The following IL18R1 variants were observed in gnomAD, a reference collection of about 807,000 sequenced individuals.
The protein encoded by IL18R1 is interleukin-18 receptor 1.
Under a neutral mutation model 48.5 loss-of-function variants are expected in IL18R1, and 40 were observed. The observed-to-expected ratio is 0.82, with a 90% CI of 0.64 to 1.07. IL18R1 has a LOEUF of 1.07. IL18R1 is among the 50% of genes least tolerant of loss of function. The pLI is 0.00. For missense variants in IL18R1, 596 were observed against 633.7 expected, an observed-to-expected ratio of 0.94 and a Z score of 0.64; for synonymous variants, 232 against 225.9, an observed-to-expected ratio of 1.03 and a Z score of -0.24.
intron 3 of IL18R1, 112 bp from the exon 4 acceptor site, chr2:102,371,841 T>C (rs990759385): frequency 3.1e-6 from 2 of 645,004 alleles, no homozygotes; most frequent in Non-Finnish European, 5.3e-6. Flanking sequence ...TGAATCAATC[T>C]CTTTAATAAA....
intron 1 of IL18R1, among the ~76,000 whole-genome samples, chr2:102,359,663 G>T (rs1352006165): frequency 6.6e-6 from 1 of 152,176 alleles, no homozygotes; most frequent in Non-Finnish European, 1.5e-5. Context: ...AAGCTGCTCA[G>T]TGTGCTTCTG....
At chr2:102,394,387 T>C (rs1300908436) in intron 9 of IL18R1, 82 bp from the exon 10 acceptor site, 3 of 1,153,022 alleles carry the variant, frequency 2.6e-6, no homozygotes, top group Non-Finnish European at 3.7e-6. Context: ...TCTATACTCA[T>C]TACTTACGAC....
rs772706560 is a variant in IL18R1 at position 102,360,559 on chromosome 2, G to A, written c.-28-2074G>A. On this transcript the variant is annotated intron_variant, in intron 1 of 10. Coordinates refer to ENST00000233957, the MANE Select transcript of IL18R1 (RefSeq NM_003855.5). Reference sequence around the variant, plus strand: ...ATTACAGGCATGAGCCACTGTGCCCGGCCAAACATCTTAATTATGTGACAA... The same window carrying A: ...ATTACAGGCATGAGCCACTGTGCCCAGCCAAACATCTTAATTATGTGACAA... 5.9e-5 allele frequency among the ~76,000 whole-genome samples: 9 copies of A among 152,050 alleles called. No individual in the cohort carries two copies. In the South Asian group the frequency reaches 6.2e-4, roughly 10 times the overall value.
chr2:102,372,072 A>G lies in IL18R1; in HGVS notation c.422A>G (p.Glu141Gly). 1 of 1,608,462 alleles carries G rather than the reference A, an allele frequency of 6.2e-7. No homozygotes were observed. Among genetic ancestry groups the G allele is most frequent in the Admixed American group, 1.7e-5 (1 of 58,470 alleles). The change falls in exon 4 of 11, where the codon GAA becomes GGA. Residue 141 changes from glutamate to glycine, a missense_variant. Transcript: ENST00000233957. Reference protein sequence around the residue: ...EVKKFFQITCENSYYQTLVNS... With the variant: ...EVKKFFQITCGNSYYQTLVNS... ...AAAAAATTTTTTCAGATAACCTGTG[A>G]AAACAGTTACTATCAAACACTGGTC...
At chr2:102,358,175 T>C (rs1279186757) in intron 1 of IL18R1, among the ~76,000 whole-genome samples, 1 of 151,970 alleles carries the variant, frequency 6.6e-6, no homozygotes, top group Non-Finnish European at 1.5e-5. Context: ...AAATCTCAGG[T>C]TCCTCATTAG....
At chr2:102,363,327 A>G (rs925337428) in intron 2 of IL18R1, among the ~76,000 whole-genome samples, 18 of 152,248 alleles carry the variant, frequency 1.2e-4, no homozygotes, top group Admixed American at 5.2e-4. Context: ...TTGATCTATT[A>G]TCTAGGAGAG....
intron 10 of IL18R1, 98 bp downstream of exon 10, chr2:102,394,725 C>A: frequency 2.8e-6 from 3 of 1,054,454 alleles, no homozygotes; most frequent in Non-Finnish European, 4.0e-6. Context: ...TCCTTAAAAA[C>A]AAATGAATAA....
chr2:102,360,418 C>G (rs552243102), intron 1 of IL18R1, among the ~76,000 whole-genome samples: 2 of 152,114 alleles, frequency 1.3e-5, no homozygotes, highest in Non-Finnish European at 2.9e-5. Flanking sequence ...TGCCTGCCAA[C>G]GTGCCTGGCT....
At chr2:102,367,719 T>C in intron 2 of IL18R1, 106 bp from the exon 3 acceptor site, 1 of 949,610 alleles carries the variant, frequency 1.1e-6, no homozygotes, top group Non-Finnish European at 1.5e-6. Flanking sequence ...CTCAGGACTT[T>C]CTTGCTAACC....
At chr2:102,373,244 T>G (rs569129467) in intron 4 of IL18R1, among the ~76,000 whole-genome samples, 22 of 152,334 alleles carry the variant, frequency 1.4e-4, no homozygotes, top group African/African-American at 5.3e-4. Context: ...TGTTGAATTT[T>G]AAAAGCTCTT....
At position 102,396,512 on chromosome 2, in the gene IL18R1, G is replaced by A. The variant is rs1244231782; in HGVS notation, c.1271-19G>A. 1 of 1,413,296 alleles carries A rather than the reference G, an allele frequency of 7.1e-7. No individual in the cohort carries two copies. Among genetic ancestry groups the A allele is most frequent in the South Asian group, 1.2e-5 (1 of 80,510 alleles). The allele number at this position is 1,413,296 out of a possible 1,614,324, so 87.5% of individuals were successfully genotyped here. A position where few individuals can be genotyped will look rare whatever the true frequency, so the allele number is the denominator to read the frequency against. ...CTTTCAGTTATCTTAAATTAATAGG[G>A]GTTATCTTGCATTTTCAGCTGTTGT... On this transcript the variant is annotated intron_variant, in intron 10 of 10. Coordinates refer to ENST00000233957, the MANE Select transcript of IL18R1 (RefSeq NM_003855.5).
Position 102,396,704 on chromosome 2 carries a change from T to A in IL18R1, c.1444T>A (p.Phe482Ile), listed in dbSNP as rs1379366400. ...AATTGAATTTACACCTGTTACTGAC[T>A]TCACATTCTTGCCCCAATCACTAAA... ...ILIEFTPVTD[F>I]TFLPQSLKLL... is the part of the protein sequence containing the mutation. Residue 482 changes from phenylalanine to isoleucine, a missense_variant, in exon 11 of 11, where the codon TTC becomes ATC. By Grantham distance (21) the Phe-to-Ile change is conservative. Transcript: ENST00000233957. 2 of 1,614,174 alleles carry A rather than the reference T, an allele frequency of 1.2e-6. No individual in the cohort carries two copies. The highest frequency in any genetic ancestry group is 3.3e-5 in the Admixed American group (2 of 60,032).
intron 1 of IL18R1, among the ~76,000 whole-genome samples, chr2:102,362,001 C>T (rs1034120461): frequency 3.3e-5 from 5 of 152,138 alleles, no homozygotes; most frequent in Admixed American, 1.3e-4. Context: ...CAGACACACG[C>T]GAACACATGC....
intron 2 of IL18R1, among the ~76,000 whole-genome samples, chr2:102,367,588 G>A (rs1411660905): frequency 6.6e-6 from 1 of 152,090 alleles, no homozygotes; most frequent in African/African-American, 2.4e-5. Flanking sequence ...ATACCTTCCT[G>A]TTGGGGAGAA....
chr2:102,371,990 A>G lies in IL18R1; in HGVS notation c.340A>G (p.Arg114Gly). Residue 114 changes from arginine (R) to glycine (G), a missense_variant, in exon 4 of 11, where the codon AGA (arginine) becomes GGA (glycine). Transcript: ENST00000233957. ...GAAATGGAAATTAAATGTCATCAGA[A>G]GAAATAAACACAGCTGTTTCACTGA... is the stretch of plus-strand genomic sequence containing the variant. ...TQKWKLNVIR[R>G]NKHSCFTERQ... 1 of 1,573,322 alleles carries G rather than the reference A, an allele frequency of 6.4e-7. No homozygotes were observed.
intron 5 of IL18R1, among the ~76,000 whole-genome samples, chr2:102,379,047 A>G (rs1232512912): frequency 6.6e-6 from 1 of 152,162 alleles, no homozygotes; most frequent in Non-Finnish European, 1.5e-5. Flanking sequence ...GAAAGGTGTG[A>G]TACCTCTCCT....
chr2:102,365,766 A>G (rs1432548355), intron 2 of IL18R1, among the ~76,000 whole-genome samples: 1 of 152,086 alleles, frequency 6.6e-6, no homozygotes, highest in Non-Finnish European at 1.5e-5. Context: ...AGGTTCCCAA[A>G]CCTCAATTCT....
intron 4 of IL18R1, among the ~76,000 whole-genome samples, chr2:102,375,389 C>G (rs1418234338): frequency 6.6e-6 from 1 of 152,132 alleles, no homozygotes; most frequent in Non-Finnish European, 1.5e-5. Context: ...TTCTAATCAG[C>G]TCGCTGGCTT....
chr2:102,374,894 A>T, intron 4 of IL18R1, among the ~76,000 whole-genome samples: 1 of 152,242 alleles, frequency 6.6e-6, no homozygotes, highest in Non-Finnish European at 1.5e-5. Flanking sequence ...CTGTTGACTG[A>T]TCATGACTTC....
Sources: gnomAD v4.1 joint callset for allele counts (sites outside exome capture counted in the v4.1 genomes callset) on GRCh38, gnomAD v4.1.1 for gene constraint, MANE v1.5 for transcripts, NCBI Gene and HGNC (gene_info 2026-07-23, HGNC 2026-07-21) for gene names.